Variants in B3GAT1 observed in about 807,000 individuals in gnomAD.
B3GAT1 encodes galactosylgalactosylxylosylprotein 3-beta-glucuronosyltransferase 1.
Under a neutral mutation model 28.4 loss-of-function variants are expected in B3GAT1, and 11 were observed. The observed-to-expected ratio is 0.39, with a 90% CI of 0.24 to 0.64. The LOEUF is 0.64. Among genes scored for constraint, B3GAT1 ranks in the 30% least tolerant of loss-of-function variants. The pLI, the probability that B3GAT1 is intolerant of heterozygous loss-of-function variation, is 0.50. For missense variants in B3GAT1, 375 were observed against 491.0 expected (o/e 0.76, Z 2.23); for synonymous variants, 255 against 223.1 (o/e 1.14, Z -1.27).
chr11:134,403,983 TTATATATATA>T (rs55794505), intron 1 of B3GAT1, among the ~76,000 whole-genome samples: 1,672 of 40,602 alleles, frequency 0.041, 34 homozygotes, highest in Middle Eastern at 0.097. Flanking sequence ...GTTTCTTTCT[TTATATATATA>T]TATATATATA....
intron 1 of B3GAT1, among the ~76,000 whole-genome samples, chr11:134,407,336 GCAGAGC>G (rs1944753864): frequency 6.6e-6 from 1 of 152,226 alleles, no homozygotes; most frequent in Non-Finnish European, 1.5e-5. Flanking sequence ...GAGAGGACGG[GCAGAGC>G]CAGGCCTCCA....
chr11:134,396,892 C>T (rs1944514261), intron 1 of B3GAT1, among the ~76,000 whole-genome samples: 1 of 152,158 alleles, frequency 6.6e-6, no homozygotes, highest in Non-Finnish European at 1.5e-5. Flanking sequence ...AGCACGAGGC[C>T]CCTGACGGCG....
At chr11:134,405,156 C>T (rs997124321) in intron 1 of B3GAT1, among the ~76,000 whole-genome samples, 19 of 152,204 alleles carry the variant, frequency 1.2e-4, no homozygotes, top group African/African-American at 4.6e-4. Context: ...ACGGGGGTGG[C>T]ATTTGCCACA....
At chr11:134,391,015 G>A (rs1368984326) in intron 1 of B3GAT1, 4 of 152,354 alleles carry the variant, frequency 2.6e-5, no homozygotes, top group East Asian at 1.9e-4. Context: ...AGAGAGGGGA[G>A]GATGGGGCCT....
intron 1 of B3GAT1, among the ~76,000 whole-genome samples, chr11:134,407,037 G>A (rs977432231): frequency 6.7e-6 from 1 of 149,714 alleles, no homozygotes; most frequent in South Asian, 2.1e-4. Flanking sequence ...CCGTGCTGCC[G>A]GGAACGTTCT....
chr11:134,407,551 C>G (rs1591653334), intron 1 of B3GAT1, among the ~76,000 whole-genome samples: 1 of 152,248 alleles, frequency 6.6e-6, no homozygotes, highest in Non-Finnish European at 1.5e-5. Flanking sequence ...CCAGTCAACT[C>G]TTGATCCAGA....
chr11:134,396,209 A>G (rs1944502445), intron 1 of B3GAT1, among the ~76,000 whole-genome samples: 1 of 152,180 alleles, frequency 6.6e-6, no homozygotes, highest in African/African-American at 2.4e-5. Flanking sequence ...CATCCACACC[A>G]AAGGTGAGGA....
At chr11:134,406,115 A>C (rs1185851133) in intron 1 of B3GAT1, among the ~76,000 whole-genome samples, 1 of 152,218 alleles carries the variant, frequency 6.6e-6, no homozygotes, top group African/African-American at 2.4e-5. Flanking sequence ...GTGGCAGCAC[A>C]GTTGGCCTCT....
At chr11:134,394,170 C>A (rs2136322345) in intron 1 of B3GAT1, among the ~76,000 whole-genome samples, 1 of 152,330 alleles carries the variant, frequency 6.6e-6, no homozygotes, top group South Asian at 2.1e-4. Context: ...TGGTCACCGA[C>A]TGCAGAGGGC....
chr11:134,391,782 C>T (rs903559969), intron 1 of B3GAT1: 9 of 152,344 alleles, frequency 5.9e-5, no homozygotes, highest in African/African-American at 2.2e-4. Context: ...TATCTGTGAC[C>T]AACCTCAGAT....
At chr11:134,382,548 G>A (rs1944157824) in intron 4 of B3GAT1, among the ~76,000 whole-genome samples, 162 bp downstream of exon 4, 2 of 152,316 alleles carry the variant, frequency 1.3e-5, no homozygotes, top group South Asian at 2.1e-4. Flanking sequence ...CTGCCTGTCC[G>A]CAGTGTCGCT....
rs1292866283 is a variant in B3GAT1, at chr11:134,379,643, CTCAG to C, written c.*1115_*1118del. 1.3e-5 allele frequency: 2 copies of C among 152,468 alleles called. No homozygotes were observed. The highest frequency in any genetic ancestry group is 2.9e-5 in the Non-Finnish European group (2 of 68,198). 9.4% of individuals were successfully genotyped at this position (152,468 alleles called of 1,614,324 possible). A position where few individuals can be genotyped will look rare whatever the true frequency, so the allele number is the denominator to read the frequency against. ...GCAGTGTGCTCAGGCCTCCCTCCTG[CTCAG>C]TGTCCCAGCAGCCCCTGCCCCCTCT... On this transcript the variant is annotated 3_prime_UTR_variant, in exon 6 of 6. Coordinates refer to ENST00000312527, the MANE Select transcript of B3GAT1 (RefSeq NM_054025.3).
chr11:134,396,052 C>T (rs987069804), intron 1 of B3GAT1, among the ~76,000 whole-genome samples: 10 of 152,186 alleles, frequency 6.6e-5, no homozygotes, highest in Admixed American at 2.0e-4. Context: ...GTTTCTCCAA[C>T]ATGGCCACTT....
Position 134,411,984 on chromosome 11 carries a change from C to CGCCCGCCCGCCCACA in B3GAT1, c.-460_-459insTGTGGGCGGGCGGGC, listed in dbSNP as rs558191809. The CGCCCGCCCGCCCACA allele has an allele frequency of 2.0e-5, 3 of 147,620 alleles. No homozygotes were observed. In the East Asian group the frequency reaches 6.0e-4, roughly 30 times the overall value. The allele number at this position is 147,620 out of a possible 1,614,324, so 9.1% of individuals were successfully genotyped here. A position where few individuals can be genotyped will look rare whatever the true frequency, so the allele number is the denominator to read the frequency against. On this transcript the variant is annotated 5_prime_UTR_variant, in exon 1 of 6. Coordinates refer to ENST00000312527, the MANE Select transcript of B3GAT1 (RefSeq NM_054025.3). The surrounding 1 kb of genome is among the most constrained non-coding windows in gnomAD (Gnocchi z 6.0). ...TAGCCGCGGGGTCCGCGCGCCCGCC[C>CGCCCGCCCGCCCACA]GCCCCGCCCGGCCCCGCCGCCCCGG...
At chr11:134,408,284 T>G (rs1944774924) in intron 1 of B3GAT1, among the ~76,000 whole-genome samples, 2 of 87,316 alleles carry the variant, frequency 2.3e-5, no homozygotes, top group African/African-American at 5.7e-5. Context: ...TCCAGTGGGG[T>G]GAGGAGGGAG....
At chr11:134,383,578 G>T (rs1944187858) in intron 3 of B3GAT1, 102 bp downstream of exon 3, 3 of 1,400,108 alleles carry the variant, frequency 2.1e-6, no homozygotes, top group Non-Finnish European at 2.8e-6. Flanking sequence ...GGCTTCCCGG[G>T]TTCCCCCTGC....
intron 1 of B3GAT1, chr11:134,388,687 A>G (rs1180693586): frequency 2.0e-5 from 3 of 152,214 alleles, no homozygotes; most frequent in Admixed American, 6.5e-5. Context: ...GCTCTCACTC[A>G]TAAGTGAGAA....
At chr11:134,402,591 CT>C (rs1417381980) in intron 1 of B3GAT1, among the ~76,000 whole-genome samples, 1 of 152,158 alleles carries the variant, frequency 6.6e-6, no homozygotes, top group African/African-American at 2.4e-5. Flanking sequence ...GCTAACCCCC[CT>C]GCCTGAAGAA....
At chr11:134,382,637 C>G (rs1036895932) in intron 4 of B3GAT1, 73 bp downstream of exon 4, 3 of 1,532,922 alleles carry the variant, frequency 2.0e-6, no homozygotes, top group African/African-American at 2.7e-5. Flanking sequence ...GTTTCCTTCT[C>G]CCGATCTGTA....
Sources: gnomAD v4.1 joint callset for allele counts (sites outside exome capture counted in the v4.1 genomes callset) on GRCh38, gnomAD v4.1.1 for gene constraint, Gnocchi (gnomAD v3.1) non-coding constraint, MANE v1.5 for transcripts, NCBI Gene and HGNC (gene_info 2026-07-23, HGNC 2026-07-21) for gene names.